Variants in C4orf50 observed in about 807,000 individuals in gnomAD.
C4orf50 encodes the protein chromosome 4 open reading frame 50, also known as uncharacterized protein C4orf50.
C4orf50 carries 80 observed loss-of-function variants against 77.2 expected under a neutral mutation model. The ratio of observed to expected loss-of-function variants is 1.04; its 90% CI spans 0.87 to 1.25. The LOEUF (loss-of-function observed/expected upper bound fraction) is 1.25. Ranked by LOEUF, C4orf50 falls within the 50% of genes most tolerant of loss-of-function variation. C4orf50 has a pLI of 0.00. For synonymous variants in C4orf50, 532 were observed against 465.3 expected (o/e 1.14, Z -1.84); for missense variants, 1,257 against 1,152.9 (o/e 1.09, Z -1.31).
At chr4:5,975,773 G>T (rs1458224542) in intron 30 of C4orf50, 126 bp downstream of exon 8, 2 of 714,632 alleles carry the variant, frequency 2.8e-6, no homozygotes, top group Admixed American at 4.3e-5. Context: ...ACAGGTGTGA[G>T]CCACCGTGCC....
intron 29 of C4orf50, among the ~76,000 whole-genome samples, chr4:5,979,663 T>A (rs1357236200): frequency 6.6e-6 from 1 of 152,264 alleles, no homozygotes; most frequent in Non-Finnish European, 1.5e-5. Flanking sequence ...TCACCTGGGC[T>A]GGAGTGTACC....
chr4:5,975,994 C>T lies in C4orf50; in HGVS notation c.3865-39G>A, dbSNP rs1021502407. The T allele has an allele frequency of 2.6e-6, 4 of 1,546,480 alleles. No individual in the cohort carries two copies. The African/African-American group carries it at 4.1e-5, about 16-fold the overall frequency. ...GACATTTTTGACAACACTGCACTGT[C>T]ACTTACCACTGTCCAGAGCTTCCCC... On this transcript the variant is annotated intron_variant, in intron 29 of 33. Coordinates refer to ENST00000531445, the Ensembl canonical transcript of C4orf50.
downstream of C4orf50, among the ~76,000 whole-genome samples, chr4:5,952,228 T>C (rs1204240641): frequency 6.6e-6 from 1 of 152,102 alleles, no homozygotes; most frequent in Admixed American, 6.6e-5. The surrounding 1 kb of genome is among the most constrained non-coding windows in gnomAD (Gnocchi z 4.4). Flanking sequence ...GGAGGGGATC[T>C]GAAGATAGAT....
chr4:6,010,839 T>A (rs1722466785), intron 24 of C4orf50, among the ~76,000 whole-genome samples: 1 of 152,228 alleles, frequency 6.6e-6, no homozygotes, highest in Non-Finnish European at 1.5e-5. Context: ...TAATGGCTAA[T>A]AATTATAAAA....
At position 5,932,059 on chromosome 4, in the gene C4orf50, C is replaced by G. The variant is rs1229739777; in HGVS notation, c.*2474+24842G>C. 5.4e-5 allele frequency among the ~76,000 whole-genome samples: 7 copies of G among 128,894 alleles called. No individual in the cohort carries two copies. The highest frequency in any genetic ancestry group is 2.0e-4 in the African/African-American group (7 of 35,002). 84.6% of individuals were successfully genotyped at this position (128,894 alleles called of 152,430 possible). On this transcript the variant is annotated intron_variant, in intron 7 of 7. Coordinates refer to the C4orf50 transcript ENST00000324058. The surrounding 1 kb of genome is among the most constrained non-coding windows in gnomAD (Gnocchi z 4.2). ...CTCTTCCCAACGCCCCCCCGCCCCC[C>G]ACCCCTGCCAACTGTCTCTAATTTC... is the stretch of plus-strand genomic sequence containing the variant.
intron 29 of C4orf50, among the ~76,000 whole-genome samples, chr4:5,978,500 T>A (rs1196793546): frequency 6.6e-6 from 1 of 152,198 alleles, no homozygotes; most frequent in African/African-American, 2.4e-5. Context: ...TAATTTCAAA[T>A]ATACTTAAAG....
chr4:5,993,531 C>CT (rs1319302373), intron 26 of C4orf50, among the ~76,000 whole-genome samples: 14 of 152,324 alleles, frequency 9.2e-5, no homozygotes, highest in Non-Finnish European at 1.3e-4. Context: ...GAGATATGGG[C>CT]TCAAGCCGGG....
chr4:5,988,632 T>C (rs916767483), exon 28 of C4orf50: 6 of 1,536,110 alleles, frequency 3.9e-6, no homozygotes, highest in Non-Finnish European at 5.2e-6. Context: ...GTCCTGTGAG[T>C]GGAGTCACCT....
At chr4:5,988,369 C>T (rs780968248) in exon 28 of C4orf50, 2 of 1,614,042 alleles carry the variant, frequency 1.2e-6, no homozygotes, top group Non-Finnish European at 1.7e-6. Context: ...GCTCAGGGAG[C>T]TCAGAGCTTG....
At position 5,969,404 on chromosome 4, in the gene C4orf50, G is replaced by T. The variant is rs752912274; in HGVS notation, c.4105-1942C>A. The stretch of plus-strand genomic sequence containing the variant: ...TTTAGACCAGATTCCATTTCCAAAA[G>T]CCCGCAACTAGATCTCATTGACAAA... On this transcript the variant is annotated intron_variant, in intron 31 of 33. Transcript: ENST00000531445. Among the ~76,000 whole-genome samples, 5 of 150,352 alleles carry T rather than the reference G, an allele frequency of 3.3e-5. No individual in the cohort carries two copies. The East Asian group carries it at 5.8e-4, about 17-fold the overall frequency.
At chr4:5,945,235 A>T (rs1013252999) in intron 7 of C4orf50, among the ~76,000 whole-genome samples, 1 of 152,180 alleles carries the variant, frequency 6.6e-6, no homozygotes, top group African/African-American at 2.4e-5. Flanking sequence ...AGTAAGCAGC[A>T]TTCGGATTTG....
intron 7 of C4orf50, among the ~76,000 whole-genome samples, chr4:5,906,670 G>C (rs1716563252): frequency 6.6e-6 from 1 of 152,176 alleles, no homozygotes; most frequent in Admixed American, 6.5e-5. Context: ...TCTCAGAACT[G>C]GGCAGAGATG....
chr4:5,977,163 C>T (rs909437564), intron 29 of C4orf50, among the ~76,000 whole-genome samples: 4 of 152,136 alleles, frequency 2.6e-5, no homozygotes, highest in African/African-American at 7.2e-5. Flanking sequence ...GGCATCCAGC[C>T]GGATGCCACT....
intron 32 of C4orf50, among the ~76,000 whole-genome samples, chr4:5,967,010 C>T (rs1050067412): frequency 6.6e-6 from 1 of 152,208 alleles, no homozygotes; most frequent in African/African-American, 2.4e-5. Flanking sequence ...CATGGTGTTT[C>T]TCAGAACCAT....
intron 7 of C4orf50, among the ~76,000 whole-genome samples, chr4:5,918,786 G>C (rs77529727): frequency 0.052 from 7,915 of 152,274 alleles, 342 homozygotes; most frequent in African/African-American, 0.11. Flanking sequence ...GGTCAGCCAG[G>C]TGTTGCTTCT....
intron 29 of C4orf50, among the ~76,000 whole-genome samples, chr4:5,978,631 T>G (rs1227305602): frequency 6.6e-6 from 1 of 152,178 alleles, no homozygotes; most frequent in Non-Finnish European, 1.5e-5. Flanking sequence ...CGAGACACAC[T>G]CATTTATTGT....
At chr4:5,954,114 G>C (rs1227869459), downstream of C4orf50, among the ~76,000 whole-genome samples, 1 of 152,222 alleles carries the variant, frequency 6.6e-6, no homozygotes, top group Non-Finnish European at 1.5e-5. This position sits in a 1 kb window ranked among gnomAD's most constrained non-coding sequence, Gnocchi z 4.7. Flanking sequence ...TGCCTCCCTG[G>C]CTCCCAGGAC....
At chr4:5,986,263 C>G (rs1577967294) in intron 28 of C4orf50, among the ~76,000 whole-genome samples, 1 of 152,138 alleles carries the variant, frequency 6.6e-6, no homozygotes, top group African/African-American at 2.4e-5. Flanking sequence ...AAACAAGTCT[C>G]AACAAATTTT....
intron 7 of C4orf50, among the ~76,000 whole-genome samples, chr4:5,922,553 G>A (rs1318700662): frequency 3.9e-5 from 6 of 152,152 alleles, no homozygotes; most frequent in South Asian, 2.1e-4. Flanking sequence ...AGGGGCAGGC[G>A]TGGCATGCCA....
Sources: gnomAD v4.1 joint callset for allele counts (sites outside exome capture counted in the v4.1 genomes callset) on GRCh38, gnomAD v4.1.1 for gene constraint, Gnocchi (gnomAD v3.1) non-coding constraint, MANE v1.5 for transcripts, NCBI Gene and HGNC (gene_info 2026-07-23, HGNC 2026-07-21) for gene names.